Variants in BICD1 observed in about 807,000 individuals in gnomAD.
BICD1 encodes protein bicaudal D homolog 1.
A neutral mutation model predicts 92.5 loss-of-function variants in BICD1; 35 were observed. That is an observed-to-expected ratio of 0.38 (90% CI 0.29 to 0.50). The LOEUF is 0.50. BICD1 is among the 20% of genes least tolerant of loss of function. BICD1 has a pLI of 0.93. For synonymous variants in BICD1, 429 were observed against 465.1 expected (o/e 0.92, Z 1.00); for missense variants, 950 against 1,189.8 (o/e 0.80, Z 2.97).
intron 1 of BICD1, among the ~76,000 whole-genome samples, chr12:32,156,756 C>T (rs1565553315): frequency 1.3e-5 from 2 of 152,176 alleles, no homozygotes; most frequent in African/African-American, 4.8e-5. Context: ...GTGTGTATTG[C>T]AGAACACTCA....
At chr12:32,200,343 C>T (rs533087437) in intron 1 of BICD1, among the ~76,000 whole-genome samples, 59 of 152,324 alleles carry the variant, frequency 3.9e-4, no homozygotes, top group Middle Eastern at 3.4e-3. Context: ...TCCACCATAG[C>T]CGACCAGGAC....
intron 3 of BICD1, among the ~76,000 whole-genome samples, chr12:32,296,246 G>GTTTTTT (rs373702037): frequency 4.6e-5 from 5 of 108,610 alleles, no homozygotes; most frequent in Non-Finnish European, 3.5e-5. Context: ...ATAAGAAGGG[G>GTTTTTT]TTTTTTTTTG....
At chr12:32,279,617 A>AT (rs1379838391) in intron 2 of BICD1, among the ~76,000 whole-genome samples, 1 of 152,220 alleles carries the variant, frequency 6.6e-6, no homozygotes, top group Non-Finnish European at 1.5e-5. Context: ...AAAAGGGCCG[A>AT]TTTTATGCTG....
chr12:32,197,197 C>T (rs964053671), intron 1 of BICD1, among the ~76,000 whole-genome samples: 10 of 151,928 alleles, frequency 6.6e-5, no homozygotes, highest in Non-Finnish European at 1.2e-4. Context: ...TTGGTAGAGG[C>T]GGGGTTTCAC....
chr12:32,247,514 C>T (rs142520093), intron 2 of BICD1, among the ~76,000 whole-genome samples: 2,187 of 152,182 alleles, frequency 0.014, 23 homozygotes, highest in Non-Finnish European at 0.022. Flanking sequence ...CATGGTGGCT[C>T]ACACCTGTAA....
intron 1 of BICD1, among the ~76,000 whole-genome samples, chr12:32,206,880 C>G (rs1001980089): frequency 6.6e-6 from 1 of 152,026 alleles, no homozygotes; most frequent in African/African-American, 2.4e-5. Context: ...AATGAATAAA[C>G]GGAATTTAAA....
intron 2 of BICD1, among the ~76,000 whole-genome samples, chr12:32,238,979 G>T (rs1044702729): frequency 6.7e-6 from 1 of 150,004 alleles, no homozygotes; most frequent in Non-Finnish European, 1.5e-5. Context: ...GGGCGCAGTG[G>T]CTCACGCCTG....
chr12:32,201,395 T>C (rs1944902839), intron 1 of BICD1, among the ~76,000 whole-genome samples: 2 of 152,148 alleles, frequency 1.3e-5, no homozygotes, highest in Non-Finnish European at 2.9e-5. Context: ...GACTTCTTCA[T>C]ACAATGTAAT....
intron 4 of BICD1, among the ~76,000 whole-genome samples, chr12:32,317,596 C>T (rs78737839): frequency 0.23 from 35,573 of 151,848 alleles, 4,374 homozygotes; most frequent in South Asian, 0.34. Context: ...CATTGTAGAT[C>T]CTGGATATTA....
At chr12:32,183,417 C>T (rs907535029) in intron 1 of BICD1, among the ~76,000 whole-genome samples, 1 of 151,848 alleles carries the variant, frequency 6.6e-6, no homozygotes, top group African/African-American at 2.4e-5. Context: ...GGCACGCGCG[C>T]CATCACGCCC....
intron 1 of BICD1, among the ~76,000 whole-genome samples, chr12:32,196,153 C>T (rs544385825): frequency 2.6e-5 from 4 of 151,934 alleles, no homozygotes; most frequent in African/African-American, 7.3e-5. Context: ...TAAGTGTTGG[C>T]GAGGATGTGG....
chr12:32,224,391 T>C (rs1416461448), intron 2 of BICD1, among the ~76,000 whole-genome samples: 3 of 152,268 alleles, frequency 2.0e-5, no homozygotes, highest in Admixed American at 6.5e-5. Flanking sequence ...CTTAGCACTT[T>C]ACTACGTTCA....
At chr12:32,282,846 A>ATGACAACGT (rs1195778701) in intron 2 of BICD1, among the ~76,000 whole-genome samples, 1 of 152,206 alleles carries the variant, frequency 6.6e-6, no homozygotes, top group Non-Finnish European at 1.5e-5. Flanking sequence ...CACCGATCCA[A>ATGACAACGT]TGACAACGTG....
chr12:32,206,671 A>G (rs1945067012), intron 1 of BICD1, among the ~76,000 whole-genome samples: 1 of 152,244 alleles, frequency 6.6e-6, no homozygotes, highest in Non-Finnish European at 1.5e-5. Flanking sequence ...TACTAGCCTA[A>G]GTTAAATGCC....
At chr12:32,336,354 G>A (rs183952088) in intron 6 of BICD1, among the ~76,000 whole-genome samples, 127 of 152,218 alleles carry the variant, frequency 8.3e-4, no homozygotes, top group Admixed American at 2.6e-3. Flanking sequence ...TTTCTTCTTC[G>A]GCACAAGTAT....
chr12:32,257,465 T>TTTAGAA (rs1388684036), intron 2 of BICD1, among the ~76,000 whole-genome samples: 1 of 152,136 alleles, frequency 6.6e-6, no homozygotes, highest in Non-Finnish European at 1.5e-5. Flanking sequence ...CTTCAAAGAC[T>TTTAGAA]TTAGAAAGGT....
chr12:32,195,196 AC>A (rs1173938424), intron 1 of BICD1, among the ~76,000 whole-genome samples: 13 of 152,214 alleles, frequency 8.5e-5, no homozygotes, highest in African/African-American at 3.1e-4. Flanking sequence ...ACTGAAAGCA[AC>A]ATACAGATTC....
intron 2 of BICD1, among the ~76,000 whole-genome samples, chr12:32,240,689 G>C (rs1261659543): frequency 1.3e-5 from 2 of 152,088 alleles, no homozygotes; most frequent in East Asian, 3.9e-4. Context: ...TTAGGAACTG[G>C]ATATCTTTGG....
chr12:32,230,701 A>T lies in BICD1; in HGVS notation c.426+14242A>T, dbSNP rs1945858400. On this transcript the variant is annotated intron_variant, in intron 2 of 9. Coordinates refer to ENST00000652176, the MANE Select transcript of BICD1 (RefSeq NM_001714.4). ...CTCTGAAAGCAGCCACGTGGAGCAA[A>T]AGCGGCGTCTGTCTCACCTCACTTT... Among the ~76,000 whole-genome samples the T allele has an allele frequency of 3.3e-5, 5 of 152,280 alleles. No homozygotes were observed. The South Asian group carries it at 1.0e-3, about 32-fold the overall frequency.
Sources: allele counts gnomAD v4.1 joint callset (sites outside exome capture counted in the v4.1 genomes callset), GRCh38; gene constraint gnomAD v4.1.1; transcripts MANE v1.5; gene names NCBI Gene and HGNC (gene_info 2026-07-23, HGNC 2026-07-21).